ZNF892: variants seen among roughly 807,000 people sequenced by gnomAD.
ZNF892 encodes zinc finger protein 892.
the ZNF892 span, among the ~76,000 whole-genome samples, chr2:95,249,125 T>G: frequency 6.6e-6 from 1 of 150,794 alleles, no homozygotes; most frequent in African/African-American, 2.4e-5. Context: ...TCTCCCATAC[T>G]TTGAACACAG....
the ZNF892 span, among the ~76,000 whole-genome samples, chr2:95,249,203 A>G: frequency 7.6e-6 from 1 of 131,762 alleles, no homozygotes; most frequent in Admixed American, 7.8e-5. Context: ...ATATGTATAT[A>G]TGTATGTATA....
chr2:95,229,548 T>G, the ZNF892 span, among the ~76,000 whole-genome samples: 3 of 152,224 alleles, frequency 2.0e-5, no homozygotes, highest in Non-Finnish European at 4.4e-5. Context: ...ATTATTTAAA[T>G]AAGATCCTGT....
the ZNF892 span, among the ~76,000 whole-genome samples, chr2:95,221,256 G>A: frequency 7.9e-5 from 12 of 152,162 alleles, no homozygotes; most frequent in African/African-American, 2.9e-4. Context: ...CTTCACAGTG[G>A]TGTAGCCCAA....
the ZNF892 span, among the ~76,000 whole-genome samples, chr2:95,233,035 GA>G: frequency 6.6e-6 from 1 of 152,108 alleles, no homozygotes; most frequent in Non-Finnish European, 1.5e-5. Flanking sequence ...GATTGGTTTT[GA>G]AAGGCACTTT....
At chr2:95,234,333 T>A in the ZNF892 span, among the ~76,000 whole-genome samples, 1 of 152,258 alleles carries the variant, frequency 6.6e-6, no homozygotes, top group Non-Finnish European at 1.5e-5. Context: ...AATTTCTCTC[T>A]CTGACATTTT....
the ZNF892 span, chr2:95,215,428 A>C: frequency 2.3e-6 from 1 of 440,730 alleles, no homozygotes; most frequent in Non-Finnish European, 4.1e-6. Context: ...AAGCATCAGA[A>C]AACTCACACT....
chr2:95,260,912 C>T, the ZNF892 span, among the ~76,000 whole-genome samples: 1 of 152,200 alleles, frequency 6.6e-6, no homozygotes, highest in South Asian at 2.1e-4. Flanking sequence ...TCCTCAGTGG[C>T]TCATGAATCC....
At chr2:95,212,488 A>G in the ZNF892 span, among the ~76,000 whole-genome samples, 1 of 152,180 alleles carries the variant, frequency 6.6e-6, no homozygotes, top group Non-Finnish European at 1.5e-5. Flanking sequence ...ACTCTTTCAA[A>G]CCAATTCTTT....
chr2:95,215,237 C>A, the ZNF892 span: 1 of 468,590 alleles, frequency 2.1e-6, no homozygotes, highest in Admixed American at 3.6e-5. Context: ...TTGGCTACTG[C>A]TCAGCCCTGA....
the ZNF892 span, among the ~76,000 whole-genome samples, chr2:95,257,242 G>A: frequency 1.3e-5 from 2 of 152,124 alleles, no homozygotes; most frequent in African/African-American, 4.8e-5. Context: ...GTACAGATGG[G>A]GTTTTGGTGT....
the ZNF892 span, chr2:95,214,965 G>A: frequency 2.0e-5 from 10 of 493,516 alleles, no homozygotes; most frequent in South Asian, 5.5e-5. Flanking sequence ...CAATGAATGC[G>A]GGAAGGCCTT....
the ZNF892 span, among the ~76,000 whole-genome samples, chr2:95,230,066 C>A: frequency 6.6e-6 from 1 of 152,128 alleles, no homozygotes; most frequent in Non-Finnish European, 1.5e-5. Flanking sequence ...ATGGCATTCA[C>A]AGCAACCTGG....
chr2:95,228,814 A>G, the ZNF892 span, among the ~76,000 whole-genome samples: 1 of 152,100 alleles, frequency 6.6e-6, no homozygotes, highest in Non-Finnish European at 1.5e-5. Flanking sequence ...GGGCCCCCAA[A>G]ATCATTAAGG....
chr2:95,251,533 C>A, the ZNF892 span, among the ~76,000 whole-genome samples: 2 of 152,000 alleles, frequency 1.3e-5, no homozygotes, highest in East Asian at 3.9e-4. Context: ...GTGGAACTCC[C>A]CAATCAAAGA....
the ZNF892 span, among the ~76,000 whole-genome samples, chr2:95,220,430 A>C: frequency 6.6e-6 from 1 of 151,674 alleles, no homozygotes; most frequent in African/African-American, 2.4e-5. Flanking sequence ...TAGATGAGGC[A>C]ATAAGAAAGC....
At chr2:95,222,940 G>A in the ZNF892 span, among the ~76,000 whole-genome samples, 1 of 152,164 alleles carries the variant, frequency 6.6e-6, no homozygotes, top group Non-Finnish European at 1.5e-5. Context: ...TAAAGGCCCA[G>A]CTCATTGTTT....
At chr2:95,221,830 C>G in the ZNF892 span, among the ~76,000 whole-genome samples, 1 of 152,144 alleles carries the variant, frequency 6.6e-6, no homozygotes, top group African/African-American at 2.4e-5. Context: ...AATTCACCCA[C>G]TTAAAGGTGT....
the ZNF892 span, among the ~76,000 whole-genome samples, chr2:95,261,256 T>C: frequency 6.6e-6 from 1 of 151,466 alleles, no homozygotes; most frequent in African/African-American, 2.4e-5. Flanking sequence ...GCACTTACCT[T>C]CCTTACCTCC....
the ZNF892 span, among the ~76,000 whole-genome samples, chr2:95,208,063 A>G: frequency 6.6e-6 from 1 of 152,116 alleles, no homozygotes; most frequent in Non-Finnish European, 1.5e-5. Context: ...ACATCTGACA[A>G]TTTGGCTTTT....
Sources: allele counts gnomAD v4.1 joint callset (sites outside exome capture counted in the v4.1 genomes callset), GRCh38; gene constraint gnomAD v4.1.1; transcripts MANE v1.5; gene names NCBI Gene and HGNC (gene_info 2026-07-23, HGNC 2026-07-21).